Variants in NUP214 observed in about 807,000 individuals in gnomAD.
NUP214 encodes the protein nuclear pore complex protein Nup214.
Under a neutral mutation model 196.2 loss-of-function variants are expected in NUP214, and 79 were observed. That is an observed-to-expected ratio of 0.40 (90% CI 0.34 to 0.49). The LOEUF (loss-of-function observed/expected upper bound fraction) is 0.49. Ranked by LOEUF, NUP214 falls within the 20% of genes least tolerant of loss-of-function variation. The probability of loss-of-function intolerance (pLI) is 0.58; values close to 1 mark genes in which losing one functional copy is unlikely to be tolerated. For synonymous variants in NUP214, 1,020 were observed against 990.5 expected (o/e 1.03, Z -0.56); for missense variants, 2,468 against 2,539.0 (o/e 0.97, Z 0.60).
rs1324956132 is a variant in NUP214, at chr9:131,127,565, C to A, written c.87C>A (p.Asp29Glu). Residue 29 changes from aspartate (D) to glutamate (E), a missense_variant, in exon 2 of 36, where the codon GAC becomes GAA. Physicochemically the swap from Asp to Glu is conservative, Grantham distance 45 (BLOSUM62 2). Around this residue, in one of 5 missense-constraint regions of NUP214, gnomAD observed 392 missense variants for 417.9 expected, o/e 0.94. Coordinates refer to ENST00000359428, the MANE Select transcript of NUP214 (RefSeq NM_005085.4). ...CGCTAAAGAAGGTGAGAATCTTTGA[C>A]TCCCCTGAGGAATTGCCCAAGGAAC... is the stretch of plus-strand genomic sequence containing the variant. ...FRALKKVRIFDSPEELPKERS... is the reference protein window; with the variant it reads ...FRALKKVRIFESPEELPKERS... 8 of 1,613,644 alleles carry A rather than the reference C, an allele frequency of 5.0e-6. No homozygotes were observed. Among genetic ancestry groups the A allele is most frequent in the Non-Finnish European group, 5.9e-6 (7 of 1,179,802 alleles).
intron 9 of NUP214, 26 bp from the exon 10 acceptor site, chr9:131,139,255 C>CT (rs200377608): frequency 0.046 from 49,659 of 1,079,782 alleles, 87 homozygotes; most frequent in Non-Finnish European, 0.049. Context: ...TCTTCTTCTT[C>CT]TTTTTTTTTT....
chr9:131,127,767 C>G (rs1255198784), intron 2 of NUP214, 48 bp downstream of exon 2: 1 of 1,381,322 alleles, frequency 7.2e-7, no homozygotes, highest in South Asian at 1.2e-5. Context: ...AGTATGGTGG[C>G]ATGCTCTTGT....
intron 9 of NUP214, 29 bp from the exon 10 acceptor site, chr9:131,139,252 C>CTTTT: frequency 8.1e-7 from 1 of 1,235,922 alleles, no homozygotes; most frequent in East Asian, 3.0e-5. Flanking sequence ...TCTTCTTCTT[C>CTTTT]TTCTTTTTTT....
chr9:131,156,099 A>G (rs1832428220), intron 17 of NUP214, among the ~76,000 whole-genome samples: 1 of 146,620 alleles, frequency 6.8e-6, no homozygotes, highest in East Asian at 2.0e-4. Flanking sequence ...TATTGATTCT[A>G]CCCATCCATG....
Position 131,198,551 on chromosome 9 carries a change from T to C in NUP214, c.5057T>C (p.Phe1686Ser). The C allele has an allele frequency of 6.2e-7, 1 of 1,614,204 alleles. No individual in the cohort carries two copies. Among genetic ancestry groups the C allele is most frequent in the East Asian group, 2.2e-5 (1 of 44,880 alleles). The change falls in exon 29 of 36, where the codon TTT becomes TCT. Residue 1686 changes from phenylalanine (F) to serine (S), a missense_variant. By Grantham distance (155) the Phe-to-Ser change is radical. Transcript: ENST00000359428. ...QVAASTAPSL[F>S]GQQTGSTAST... ...GCAGCCAGCACCGCACCAAGTCTGT[T>C]TGGGCAGCAGACTGGTAGCACAGCC...
Position 131,197,728 on chromosome 9 carries a change from G to T in NUP214, c.4234G>T (p.Gly1412Cys), listed in dbSNP as rs140411251. Residue 1412 changes from glycine (G) to cysteine (C), a missense_variant, in exon 29 of 36, where the codon GGC (glycine) becomes TGC (cysteine). Around this residue, in one of 5 missense-constraint regions of NUP214, gnomAD observed 1,801 missense variants for 1,779.4 expected, o/e 1.01. Transcript: ENST00000359428. Reference sequence around the variant, plus strand: ...CAGCACTTCCTCAACTGCCGTTTTTGGCAGTCTGCCAGTCACCAGTGCAGG... The same window carrying T: ...CAGCACTTCCTCAACTGCCGTTTTTTGCAGTCTGCCAGTCACCAGTGCAGG... The part of the protein sequence containing the change: ...ATSTSSTAVF[G>C]SLPVTSAGSS... 3.1e-6 allele frequency: 5 copies of T among 1,614,030 alleles called. No homozygotes were observed. The highest frequency in any genetic ancestry group is 4.2e-6 in the Non-Finnish European group (5 of 1,180,042).
In NUP214 at chr9:131,172,660, A is replaced by G. The variant is rs142206764; in HGVS notation, c.2894-1395A>G. On this transcript the variant is annotated intron_variant, in intron 21 of 35. Transcript: ENST00000359428. ...TGTGGATAGTGCAATCGAGGAATTG[A>G]TTTTTCATTAATTTGCTTTTGATTA... 3.8e-3 allele frequency among the ~76,000 whole-genome samples: 583 copies of G among 152,230 alleles called. 2 individuals carry two copies. Among genetic ancestry groups the G allele is most frequent in the Middle Eastern group, 0.017 (5 of 294 alleles).
chr9:131,223,727 A>ATTTATTTATTTTTT, intron 32 of NUP214, among the ~76,000 whole-genome samples: 1 of 15,658 alleles, frequency 6.4e-5, no homozygotes, highest in African/African-American at 1.5e-4. Flanking sequence ...TTATTTATTT[A>ATTTATTTATTTTTT]TTTTTTTTTT....
chr9:131,230,339 G>A (rs1420215618), intron 33 of NUP214: 1 of 416,944 alleles, frequency 2.4e-6, no homozygotes, highest in East Asian at 4.8e-5. Context: ...CAGGAACTGT[G>A]TACTGCATAG....
chr9:131,228,491 A>G (rs1834786797), intron 33 of NUP214, 160 bp downstream of exon 33: 6 of 622,616 alleles, frequency 9.6e-6, no homozygotes, highest in Non-Finnish European at 1.3e-5. Flanking sequence ...TCTCCAGGGT[A>G]AGACTCATTT....
At chr9:131,223,328 A>G (rs768485813) in intron 32 of NUP214, among the ~76,000 whole-genome samples, 11 of 151,964 alleles carry the variant, frequency 7.2e-5, no homozygotes, top group Non-Finnish European at 1.3e-4. Context: ...CACCATGCCC[A>G]GCTAATTTTT....
intron 16 of NUP214, 123 bp from the exon 17 acceptor site, chr9:131,151,613 T>C: frequency 1.5e-6 from 1 of 646,094 alleles, no homozygotes; most frequent in Non-Finnish European, 2.6e-6. Flanking sequence ...TTACCTGAGT[T>C]AAATATGTTC....
At chr9:131,129,622 T>A in intron 4 of NUP214, 145 bp downstream of exon 4, 1 of 767,450 alleles carries the variant, frequency 1.3e-6, no homozygotes, top group South Asian at 1.8e-5. Context: ...GGTATTCTTT[T>A]TTGAGACAGT....
intron 17 of NUP214, among the ~76,000 whole-genome samples, chr9:131,154,456 CTATT>C (rs1347918973): frequency 6.6e-5 from 10 of 152,032 alleles, no homozygotes; most frequent in South Asian, 2.1e-4. Context: ...GTCTATCTAT[CTATT>C]TATTTATTCA....
At chr9:131,222,505 G>A (rs1469217668) in intron 31 of NUP214, 1 of 301,852 alleles carries the variant, frequency 3.3e-6, no homozygotes, top group Non-Finnish European at 6.1e-6. Context: ...AGCCTTTTCA[G>A]TGGGACCTCT....
At chr9:131,206,994 A>G (rs542471040) in intron 30 of NUP214, among the ~76,000 whole-genome samples, 42 of 152,338 alleles carry the variant, frequency 2.8e-4, no homozygotes, top group African/African-American at 9.6e-4. Flanking sequence ...TGTATCTCCA[A>G]TGCTTAGGAC....
chr9:131,194,915 G>A (rs541662477), intron 27 of NUP214, among the ~76,000 whole-genome samples: 2 of 152,274 alleles, frequency 1.3e-5, no homozygotes, highest in South Asian at 2.1e-4. Context: ...CATTTGTCAT[G>A]TGTCTCTACT....
chr9:131,232,615 G>A lies in NUP214; in HGVS notation c.6239+307G>A. On this transcript the variant is annotated intron_variant, in intron 35 of 35. Transcript: ENST00000359428. This position sits in a 1 kb window ranked among gnomAD's most constrained non-coding sequence, Gnocchi z 5.1. Reference sequence around the variant, plus strand: ...AGATGCTGCTCCTGACTTCCCTGGAGGTTTCTCAGAAGCTGCATGCTAACC... The same window carrying A: ...AGATGCTGCTCCTGACTTCCCTGGAAGTTTCTCAGAAGCTGCATGCTAACC... 2.0e-6 allele frequency: 1 copy of A among 491,064 alleles called. No homozygotes were observed. The highest frequency in any genetic ancestry group is 3.7e-6 in the Non-Finnish European group (1 of 269,564). 30.4% of individuals were successfully genotyped at this position (491,064 alleles called of 1,614,324 possible).
chr9:131,218,839 G>A (rs1401849577), intron 31 of NUP214, among the ~76,000 whole-genome samples: 3 of 152,086 alleles, frequency 2.0e-5, no homozygotes, highest in Non-Finnish European at 2.9e-5. Context: ...CTTTCTGACT[G>A]TACTCAGTTC....
Sources: allele counts gnomAD v4.1 joint callset (sites outside exome capture counted in the v4.1 genomes callset), GRCh38; gene constraint gnomAD v4.1.1; regional missense constraint gnomAD v4.1.1; non-coding constraint Gnocchi (gnomAD v3.1); transcripts MANE v1.5; gene names NCBI Gene and HGNC (gene_info 2026-07-23, HGNC 2026-07-21).